Variants in PALLD observed in about 807,000 individuals in gnomAD.
The protein encoded by PALLD is palladin, cytoskeletal associated protein.
A neutral mutation model predicts 123.5 loss-of-function variants in PALLD; 61 were observed. That is an observed-to-expected ratio of 0.49 (90% confidence interval 0.40 to 0.61). The LOEUF is 0.61. PALLD is among the 20% of genes least tolerant of loss of function. PALLD has a pLI of 0.00. For missense variants in PALLD, 1,273 were observed against 1,377.0 expected (o/e 0.92, Z 1.20); for synonymous variants, 465 against 496.4 (o/e 0.94, Z 0.84).
intron 2 of PALLD, among the ~76,000 whole-genome samples, chr4:168,586,119 A>G: frequency 6.9e-6 from 1 of 145,254 alleles, no homozygotes; most frequent in South Asian, 2.3e-4. Context: ...TATCTTTAGT[A>G]TACTACATCG....
chr4:168,711,543 C>A, intron 9 of PALLD, 38 bp from the exon 10 acceptor site: 1 of 1,366,530 alleles, frequency 7.3e-7, no homozygotes, highest in Non-Finnish European at 1.0e-6. Context: ...GAACTAGTGG[C>A]ATCTTCTTAT....
intron 10 of PALLD, among the ~76,000 whole-genome samples, chr4:168,830,171 G>T (rs1176701611): frequency 2.0e-5 from 3 of 149,558 alleles, no homozygotes; most frequent in Non-Finnish European, 4.4e-5. Flanking sequence ...GGTGGAGGTT[G>T]CAGTGAGCCG....
intron 10 of PALLD, among the ~76,000 whole-genome samples, chr4:168,807,925 C>T (rs1258886653): frequency 2.0e-5 from 3 of 151,940 alleles, no homozygotes; most frequent in Non-Finnish European, 2.9e-5. Flanking sequence ...AAGCTGGTCT[C>T]GAACTTCTGA....
At chr4:168,595,907 G>C (rs1315554891) in intron 2 of PALLD, among the ~76,000 whole-genome samples, 6 of 146,482 alleles carry the variant, frequency 4.1e-5, no homozygotes, top group African/African-American at 1.3e-4. Flanking sequence ...ACCTGCACAT[G>C]TAATGTACCT....
intron 10 of PALLD, chr4:168,832,732 C>T (rs1292579376): frequency 1.3e-5 from 2 of 152,230 alleles, no homozygotes; most frequent in Admixed American, 6.5e-5. Context: ...GATGGTTCAC[C>T]CCACCTGGGC....
At chr4:168,625,502 G>GATAGATAGATAGATATAT in intron 2 of PALLD, among the ~76,000 whole-genome samples, 7 of 114,474 alleles carry the variant, frequency 6.1e-5, no homozygotes, top group East Asian at 5.6e-4. Context: ...ATATCCAGGA[G>GATAGATAGATAGATATAT]ATATATATAT....
chr4:168,768,472 C>A (rs1190599824), intron 10 of PALLD, among the ~76,000 whole-genome samples: 1 of 152,128 alleles, frequency 6.6e-6, no homozygotes, highest in Non-Finnish European at 1.5e-5. Context: ...AAGATATGTT[C>A]TATTTAGTAG....
intron 2 of PALLD, among the ~76,000 whole-genome samples, chr4:168,574,608 G>GTCTA (rs1362239852): frequency 6.6e-6 from 1 of 152,004 alleles, no homozygotes; most frequent in East Asian, 1.9e-4. Flanking sequence ...ATCCAATATC[G>GTCTA]TCTAACCTGT....
chr4:168,878,413 C>A, intron 10 of PALLD: 1 of 1,459,410 alleles, frequency 6.9e-7, no homozygotes, highest in African/African-American at 1.5e-5. Context: ...CCGCCGCGGT[C>A]CTCCACTTCC....
At chr4:168,532,869 G>A (rs1764734890) in intron 2 of PALLD, among the ~76,000 whole-genome samples, 1 of 152,110 alleles carries the variant, frequency 6.6e-6, no homozygotes, top group African/African-American at 2.4e-5. Flanking sequence ...AAGAAATACA[G>A]GAACCTTCTG....
rs1276714683 is a variant in PALLD at position 168,905,647 on chromosome 4, T to A, written c.2622+1741T>A. Among the ~76,000 whole-genome samples the A allele has an allele frequency of 3.3e-5, 5 of 152,232 alleles. No homozygotes were observed. In the South Asian group the frequency reaches 1.0e-3, roughly 32 times the overall value. On this transcript the variant is annotated intron_variant, in intron 15 of 21. Transcript: ENST00000505667. ...GAAAAGCTTCTATATTAATGCACAT[T>A]CTTAAAGTTCTAAATGTTTTAATCA...
chr4:168,650,155 C>T (rs919785770), intron 2 of PALLD, among the ~76,000 whole-genome samples: 15 of 150,990 alleles, frequency 9.9e-5, no homozygotes, highest in African/African-American at 3.7e-4. Flanking sequence ...GCCTAGGCGA[C>T]GAGAGTGAGA....
rs116120196 is a variant in PALLD, at chr4:168,580,455, T to C, written c.908+68043T>C. Among the ~76,000 whole-genome samples the C allele has an allele frequency of 2.9e-3, 443 of 152,144 alleles. 2 individuals carry two copies. Among genetic ancestry groups the C allele is most frequent in the African/African-American group, 0.01 (430 of 41,532 alleles). ...GTCTCACACCAGTCAGAATGGCTAC[T>C]ATAACAGACAAAAAATAACAGGTGC... is the stretch of plus-strand genomic sequence containing the variant. On this transcript the variant is annotated intron_variant, in intron 2 of 21. Coordinates refer to ENST00000505667, the MANE Select transcript of PALLD (RefSeq NM_001166108.2).
At chr4:168,545,293 G>A (rs984787437) in intron 2 of PALLD, among the ~76,000 whole-genome samples, 1 of 152,036 alleles carries the variant, frequency 6.6e-6, no homozygotes, top group Non-Finnish European at 1.5e-5. Flanking sequence ...TTGGGAGGGT[G>A]AGGCAGGCGG....
intron 10 of PALLD, among the ~76,000 whole-genome samples, chr4:168,842,052 A>T (rs1746113107): frequency 6.6e-6 from 1 of 152,224 alleles, no homozygotes; most frequent in Admixed American, 6.5e-5. Context: ...CTTGAAACAA[A>T]GTTTGGTTGT....
chr4:168,512,446 CT>C, intron 2 of PALLD, 34 bp downstream of exon 2: 1 of 1,567,922 alleles, frequency 6.4e-7, no homozygotes, highest in Non-Finnish European at 8.8e-7. Context: ...AGCAAATGAT[CT>C]TGTTGACTTT....
At chr4:168,756,113 A>G (rs543272666) in intron 10 of PALLD, 28 of 171,422 alleles carry the variant, frequency 1.6e-4, no homozygotes, top group African/African-American at 6.7e-4. Context: ...TTCCCCATCA[A>G]TGTCATTATG....
chr4:168,626,685 T>C (rs1775325927), intron 2 of PALLD, among the ~76,000 whole-genome samples: 1 of 144,300 alleles, frequency 6.9e-6, no homozygotes, highest in South Asian at 2.2e-4. Context: ...CATTCCAGCC[T>C]GGGTAACAGA....
chr4:168,590,234 C>T (rs1771264950), intron 2 of PALLD, among the ~76,000 whole-genome samples: 1 of 152,156 alleles, frequency 6.6e-6, no homozygotes, highest in African/African-American at 2.4e-5. Flanking sequence ...CCCAGCTACT[C>T]AGGAGGCTGA....
Sources: allele counts gnomAD v4.1 joint callset (sites outside exome capture counted in the v4.1 genomes callset), GRCh38; gene constraint gnomAD v4.1.1; transcripts MANE v1.5; gene names NCBI Gene and HGNC (gene_info 2026-07-23, HGNC 2026-07-21).